Variants in CATSPERZ observed in about 807,000 individuals in gnomAD.
CATSPERZ encodes catsper channel auxiliary subunit zeta.
A neutral mutation model predicts 21.7 loss-of-function variants in CATSPERZ; 21 were observed. The observed-to-expected ratio is 0.97, with a 90% CI of 0.69 to 1.39. CATSPERZ has a LOEUF of 1.39. Among genes scored for constraint, CATSPERZ ranks in the 40% most tolerant of loss-of-function variants. The probability of loss-of-function intolerance (pLI) is 0.00; values close to 1 mark genes in which losing one functional copy is unlikely to be tolerated. For synonymous variants in CATSPERZ, 127 were observed against 108.7 expected (o/e 1.17, Z -1.05); for missense variants, 234 against 259.5 (o/e 0.90, Z 0.68).
intron 2 of CATSPERZ, among the ~76,000 whole-genome samples, chr11:64,302,241 TCAC>T (rs951394178): frequency 6.6e-6 from 1 of 152,202 alleles, no homozygotes; most frequent in African/African-American, 2.4e-5. Context: ...CCTTCAAACT[TCAC>T]AACCTCCATA....
intron 2 of CATSPERZ, among the ~76,000 whole-genome samples, chr11:64,302,269 TTTTA>T (rs1257048836): frequency 6.6e-6 from 1 of 151,376 alleles, no homozygotes; most frequent in African/African-American, 2.5e-5. Context: ...GCTATTTATT[TTTTA>T]TTTATTTATT....
At chr11:64,300,555 T>A in intron 1 of CATSPERZ, 102 bp from the exon 2 acceptor site, 1 of 1,510,352 alleles carries the variant, frequency 6.6e-7, no homozygotes, top group Non-Finnish European at 9.0e-7. Context: ...CCCCACGTTC[T>A]ACGGGATCCC....
intron 2 of CATSPERZ, 39 bp downstream of exon 2, chr11:64,301,026 C>T (rs1405847251): frequency 2.0e-6 from 3 of 1,467,460 alleles, no homozygotes; most frequent in African/African-American, 1.4e-5. Flanking sequence ...ACCCGCAGGG[C>T]AATAAGCTGG....
intron 4 of CATSPERZ, 93 bp from the exon 5 acceptor site, chr11:64,304,450 T>TCTGCGGTTCCTCGAATCAC: frequency 1.1e-6 from 1 of 924,454 alleles, no homozygotes; most frequent in Admixed American, 2.5e-5. Context: ...CCTCGAATCA[T>TCTGCGGTTCCTCGAATCAC]CTGCGGTTCC....
Position 64,304,594 on chromosome 11 carries a change from G to A in CATSPERZ, c.551G>A (p.Arg184Gln), listed in dbSNP as rs1383083836. Residue 184 changes from arginine to glutamine, a missense_variant, in exon 5 of 5, where the codon CGA (arginine) becomes CAA (glutamine). Physicochemically the swap from Arg to Gln is conservative, Grantham distance 43. Transcript: ENST00000328404. Reference protein sequence around the residue: ...RDHFLTKELQRYIEGLKKRRS... With the variant: ...RDHFLTKELQQYIEGLKKRRS... ...CACTTCCTGACTAAGGAGCTGCAGC[G>A]ATACATCGAAGGGCTCAAGAAGCGC... 2 of 1,587,852 alleles carry A rather than the reference G, an allele frequency of 1.3e-6. No individual in the cohort carries two copies. Among genetic ancestry groups the A allele is most frequent in the Non-Finnish European group, 1.7e-6 (2 of 1,168,074 alleles).
In CATSPERZ at chr11:64,300,376, A is replaced by T. The variant is rs1039479773; in HGVS notation, c.-35A>T. 7.0e-7 allele frequency: 1 copy of T among 1,422,798 alleles called. No individual in the cohort carries two copies. The allele number at this position is 1,422,798 out of a possible 1,614,324, so 88.1% of individuals were successfully genotyped here. On this transcript the variant is annotated 5_prime_UTR_variant, in exon 1 of 5. Transcript: ENST00000328404. ...GAGCGTTGACTCCCTTCTCGTCTCG[A>T]GGCCTGTGGCGTCTGGGTCCGTTGG...
intron 2 of CATSPERZ, among the ~76,000 whole-genome samples, chr11:64,302,206 G>A (rs2034937958): frequency 6.6e-6 from 1 of 152,134 alleles, no homozygotes; most frequent in South Asian, 2.1e-4. Flanking sequence ...TGTGTGCCAG[G>A]CACGGGGCTT....
Position 64,300,836 on chromosome 11 carries a change from C to A in CATSPERZ, c.201C>A (p.Ser67Arg). 2 of 1,561,004 alleles carry A rather than the reference C, an allele frequency of 1.3e-6. No homozygotes were observed. The highest frequency in any genetic ancestry group is 1.7e-6 in the Non-Finnish European group (2 of 1,153,686). The change falls in exon 2 of 5, where the codon AGC becomes AGA. Residue 67 changes from serine (S) to arginine (R), a missense_variant. Coordinates refer to ENST00000328404, the MANE Select transcript of CATSPERZ (RefSeq NM_001039496.2). The part of the protein sequence containing the change: ...RNISKTRGWH[S>R]PGRGSLDEGY... ...TTAGCAAGACCCGCGGGTGGCACAG[C>A]CCGGGGCGGGGCTCGTTGGACGAGG...
At position 64,300,660 on chromosome 11, in the gene CATSPERZ, T is replaced by A. The variant is rs1473302535; in HGVS notation, c.25T>A (p.Ser9Thr). The A allele has an allele frequency of 2.6e-6, 4 of 1,532,858 alleles. No individual in the cohort carries two copies. The East Asian group carries it at 9.8e-5, about 38-fold the overall frequency. The allele number at this position is 1,532,858 out of a possible 1,614,324, so 95.0% of individuals were successfully genotyped here. MEEKPSKV[S>T]LKSSDRQGSD... is the part of the protein sequence containing the mutation. ...CCTCCTTGTATGTGGCCCACAGGTG[T>A]CGCTCAAGTCTTCCGACCGCCAAGG... is the stretch of plus-strand genomic sequence containing the variant. Residue 9 changes from serine to threonine, a missense_variant, in exon 2 of 5, where the codon TCG becomes ACG. By Grantham distance (58) the Ser-to-Thr change is moderately conservative. Coordinates refer to ENST00000328404, the MANE Select transcript of CATSPERZ (RefSeq NM_001039496.2).
Position 64,300,890 on chromosome 11 carries a change from A to G in CATSPERZ, c.255A>G (p.Glu85=). 1 of 1,573,332 alleles carries G rather than the reference A, an allele frequency of 6.4e-7. No homozygotes were observed. The stretch of plus-strand genomic sequence containing the variant: ...ACAAGGCCAGCCACAAGCCGGAGGA[A>G]CTGGACGAGCACGCGCTGGTGGAGC... ...EGYKASHKPE[E]LDEHALVELE... is the part of the protein sequence containing the mutation. The change falls in exon 2 of 5, where the codon GAA becomes GAG. Residue 85 remains glutamate, a synonymous_variant. Transcript: ENST00000328404.
rs564431474 is a variant in CATSPERZ, at chr11:64,303,979, C to T, written c.499+140C>T. 8.4e-6 allele frequency: 7 copies of T among 830,804 alleles called. No homozygotes were observed. In the South Asian group the frequency reaches 1.1e-4, roughly 13 times the overall value. 51.5% of individuals were successfully genotyped at this position (830,804 alleles called of 1,614,324 possible). On this transcript the variant is annotated intron_variant, in intron 4 of 4. Coordinates refer to ENST00000328404, the MANE Select transcript of CATSPERZ (RefSeq NM_001039496.2). ...GGCACTCACAAGTATTCCAAGGGCC[C>T]CATAAAAGTTAAAAGCTGAGGGACT...
At chr11:64,303,982 T>A (rs2034972608) in intron 4 of CATSPERZ, 143 bp downstream of exon 4, 1 of 800,238 alleles carries the variant, frequency 1.2e-6, no homozygotes, top group African/African-American at 1.7e-5. Context: ...AAGGGCCCCA[T>A]AAAAGTTAAA....
intron 2 of CATSPERZ, among the ~76,000 whole-genome samples, chr11:64,301,401 CTTTTT>C (rs139500689): frequency 3.0e-5 from 3 of 99,552 alleles, no homozygotes; most frequent in South Asian, 3.4e-4. Context: ...CCGCCTCCCA[CTTTTT>C]TTTTTTTTTT....
At chr11:64,301,673 C>A (rs916561161) in intron 2 of CATSPERZ, among the ~76,000 whole-genome samples, 3 of 151,522 alleles carry the variant, frequency 2.0e-5, no homozygotes, top group African/African-American at 7.3e-5. Flanking sequence ...TGCGCCCGGC[C>A]TTTGTTTTTT....
intron 4 of CATSPERZ, 121 bp from the exon 5 acceptor site, chr11:64,304,422 T>C: frequency 1.5e-6 from 1 of 688,874 alleles, no homozygotes; most frequent in Non-Finnish European, 2.5e-6. Flanking sequence ...CAGACCTGAG[T>C]GCCCTGCGCT....
intron 3 of CATSPERZ, 96 bp from the exon 4 acceptor site, chr11:64,303,676 GT>G: frequency 7.0e-7 from 1 of 1,432,112 alleles, no homozygotes; most frequent in East Asian, 2.5e-5. Flanking sequence ...AGGCAGGCTG[GT>G]TGGGGGTTTG....
chr11:64,300,815 C>T lies in CATSPERZ; in HGVS notation c.180C>T (p.Ser60=), dbSNP rs1433795925. Reference sequence around the variant, plus strand: ...TCGACGAGGAGGGCCGCAACATTAGCAAGACCCGCGGGTGGCACAGCCCGG... The same window carrying T: ...TCGACGAGGAGGGCCGCAACATTAGTAAGACCCGCGGGTGGCACAGCCCGG... ...EGFDEEGRNI[S]KTRGWHSPGR... is the part of the protein sequence containing the mutation. The change falls in exon 2 of 5, where the codon AGC becomes AGT. Residue 60 remains serine, a synonymous_variant. Coordinates refer to ENST00000328404, the MANE Select transcript of CATSPERZ (RefSeq NM_001039496.2). The T allele has an allele frequency of 1.9e-6, 3 of 1,559,728 alleles. No individual in the cohort carries two copies. Among genetic ancestry groups the T allele is most frequent in the Non-Finnish European group, 2.6e-6 (3 of 1,152,584 alleles).
intron 2 of CATSPERZ, among the ~76,000 whole-genome samples, chr11:64,302,627 C>A (rs2034945324): frequency 6.6e-6 from 1 of 152,132 alleles, no homozygotes; most frequent in Non-Finnish European, 1.5e-5. Context: ...TGCTGGAGTG[C>A]AATGGTGCGA....
chr11:64,300,968 T>G lies in CATSPERZ; in HGVS notation c.333T>G (p.Thr111=). 3 of 1,560,694 alleles carry G rather than the reference T, an allele frequency of 1.9e-6. No individual in the cohort carries two copies. In the South Asian group the frequency reaches 3.6e-5, roughly 18 times the overall value. The change falls in exon 2 of 5, where the codon ACT becomes ACG. Residue 111 remains threonine (T), a synonymous_variant. Transcript: ENST00000328404. ...AAATCAATCTGGGGGAGAAGGACACTGCATCCCAGATCGAGGCCGGTCAGT... is the reference window on the plus strand; with the variant it reads ...AAATCAATCTGGGGGAGAAGGACACGGCATCCCAGATCGAGGCCGGTCAGT... The part of the protein sequence containing the change: ...SMEINLGEKD[T]ASQIEAEKSS...
Sources: gnomAD v4.1 joint callset for allele counts (sites outside exome capture counted in the v4.1 genomes callset) on GRCh38, gnomAD v4.1.1 for gene constraint, MANE v1.5 for transcripts, NCBI Gene and HGNC (gene_info 2026-07-23, HGNC 2026-07-21) for gene names.